Variants in RNF175 observed in about 807,000 individuals in gnomAD.
RNF175 encodes ring finger protein 175.
RNF175 carries 38 observed loss-of-function variants against 50.0 expected under a neutral mutation model. That is an observed-to-expected ratio of 0.76 (90% CI 0.59 to 1.00). The LOEUF (loss-of-function observed/expected upper bound fraction) is 1.00, where lower values mean the gene tolerates loss of function less well. Among genes scored for constraint, RNF175 ranks in the 50% least tolerant of loss-of-function variants. RNF175 has a pLI of 0.00. For missense variants in RNF175, 388 were observed against 409.6 expected, an observed-to-expected ratio of 0.95 and a Z score of 0.46; for synonymous variants, 155 against 146.1, an observed-to-expected ratio of 1.06 and a Z score of -0.44.
Position 153,743,236 on chromosome 4 carries a change from C to T in RNF175, c.246+5409G>A, listed in dbSNP as rs189640784. ...TGGTTGCAGACATCACCAAGAGTGGCTGAAATGGCTGTGCTCTGATGACCA... is the reference window on the plus strand; with the variant it reads ...TGGTTGCAGACATCACCAAGAGTGGTTGAAATGGCTGTGCTCTGATGACCA... On this transcript the variant is annotated intron_variant, in intron 3 of 8. Coordinates refer to ENST00000347063, the MANE Select transcript of RNF175 (RefSeq NM_173662.4). Among the ~76,000 whole-genome samples, 686 of 152,280 alleles carry T rather than the reference C, an allele frequency of 4.5e-3. 6 individuals are homozygous for T. The highest frequency in any genetic ancestry group is 6.5e-3 in the Non-Finnish European group (444 of 68,020).
intron 6 of RNF175, among the ~76,000 whole-genome samples, chr4:153,719,379 G>A (rs11936681): frequency 0.29 from 43,695 of 152,052 alleles, 6,887 homozygotes; most frequent in South Asian, 0.47. Context: ...CCATGTCTTT[G>A]CTTTACACTG....
intron 3 of RNF175, among the ~76,000 whole-genome samples, chr4:153,733,078 G>A (rs1739133916): frequency 6.6e-6 from 1 of 151,986 alleles, no homozygotes; most frequent in Non-Finnish European, 1.5e-5. Flanking sequence ...AAGCTGCTCT[G>A]ATGTACACAG....
intron 1 of RNF175, among the ~76,000 whole-genome samples, 197 bp downstream of exon 1, chr4:153,759,600 G>A (rs1476203175): frequency 2.0e-5 from 3 of 152,118 alleles, no homozygotes; most frequent in African/African-American, 7.2e-5. Context: ...GGGAGGGAGG[G>A]AGTGGAGGAG....
In RNF175 at chr4:153,734,675, T is replaced by C. The variant is rs1220355069; in HGVS notation, c.247-6314A>G. Among the ~76,000 whole-genome samples, 558 of 97,660 alleles carry C rather than the reference T, an allele frequency of 5.7e-3. 16 individuals carry two copies. Among genetic ancestry groups the C allele is most frequent in the Non-Finnish European group, 0.011 (462 of 41,878 alleles). 64.1% of individuals were successfully genotyped at this position (97,660 alleles called of 152,430 possible). ...GCTTGTTTTTTTATTCTTTTTTTTT[T>C]TTTTTTTTTTTTTTTTTTGAGATGT... On this transcript the variant is annotated intron_variant, in intron 3 of 8. Transcript: ENST00000347063.
At chr4:153,746,509 A>G (rs1228012849) in intron 3 of RNF175, among the ~76,000 whole-genome samples, 1 of 151,038 alleles carries the variant, frequency 6.6e-6, no homozygotes, top group Admixed American at 6.6e-5. Flanking sequence ...CTGCATGCCC[A>G]TAGCTCTCCT....
At chr4:153,722,776 AAAAC>A (rs200989556) in intron 5 of RNF175, among the ~76,000 whole-genome samples, 4 of 152,192 alleles carry the variant, frequency 2.6e-5, no homozygotes, top group African/African-American at 9.6e-5. Context: ...TCAAAAAAAA[AAAAC>A]ACAACAAAAA....
intron 2 of RNF175, among the ~76,000 whole-genome samples, chr4:153,749,026 A>G (rs1478308221): frequency 6.6e-6 from 1 of 152,152 alleles, no homozygotes; most frequent in African/African-American, 2.4e-5. Flanking sequence ...TGACTTTCTT[A>G]GCAAAACCAG....
chr4:153,715,621 G>A lies in RNF175; in HGVS notation c.672C>T (p.Asp224=), dbSNP rs770654239. Residue 224 remains aspartate (D), a synonymous_variant, in exon 7 of 9, where the codon GAC becomes GAT. Transcript: ENST00000347063. The part of the protein sequence containing the change: ...VSRLPTRSLS[D]NICAVCGQKI... ...TCTGCCCACAGACTGCACAGATATT[G>A]TCCGATAAGCTCCTTGTAGGCAACC... The A allele has an allele frequency of 3.3e-5, 54 of 1,613,740 alleles. No homozygotes were observed. The highest frequency in any genetic ancestry group is 4.3e-5 in the Non-Finnish European group (51 of 1,179,806).
At chr4:153,725,777 A>G (rs1738660670) in intron 4 of RNF175, among the ~76,000 whole-genome samples, 1 of 152,184 alleles carries the variant, frequency 6.6e-6, no homozygotes, top group Non-Finnish European at 1.5e-5. Flanking sequence ...GAGCTAATGT[A>G]TTGATGTTTA....
intron 1 of RNF175, among the ~76,000 whole-genome samples, chr4:153,751,874 G>A (rs1237607710): frequency 6.6e-6 from 1 of 152,228 alleles, no homozygotes; most frequent in Non-Finnish European, 1.5e-5. Flanking sequence ...AATGATTGCA[G>A]TGAGTAAATA....
chr4:153,759,831 G>A lies in RNF175; in HGVS notation c.32C>T (p.Ala11Val). 2 of 1,466,606 alleles carry A rather than the reference G, an allele frequency of 1.4e-6. No individual in the cohort carries two copies. Among genetic ancestry groups the A allele is most frequent in the Non-Finnish European group, 9.0e-7 (1 of 1,116,822 alleles). 90.8% of individuals were successfully genotyped at this position (1,466,606 alleles called of 1,614,324 possible). A position where few individuals can be genotyped will look rare whatever the true frequency, so the allele number is the denominator to read the frequency against. The change falls in exon 1 of 9, where the codon GCG (alanine) becomes GTG (valine). Residue 11 changes from alanine to valine, a missense_variant. Ala to Val is a moderately conservative substitution (Grantham distance 64). Transcript: ENST00000347063. ...CTGCGGGGGGGCCTCCAGCACCGGC[G>A]CTGCCTTCCGCGCCGCCGTCCCCGC... Reference protein sequence around the residue: MAAGTAARKAAPVLEAPPQQE... With the variant: MAAGTAARKAVPVLEAPPQQE...
intron 3 of RNF175, among the ~76,000 whole-genome samples, chr4:153,735,640 C>T (rs2606336): frequency 0.18 from 26,867 of 152,096 alleles, 3,094 homozygotes; most frequent in Non-Finnish European, 0.25. Context: ...CATATTGATA[C>T]TGAATCTTCC....
At chr4:153,756,967 G>C (rs1740597002) in intron 1 of RNF175, among the ~76,000 whole-genome samples, 1 of 152,112 alleles carries the variant, frequency 6.6e-6, no homozygotes, top group Non-Finnish European at 1.5e-5. Flanking sequence ...TCCCATTAAA[G>C]GTAGACTGAT....
chr4:153,715,455 CAGGAGG>C, intron 7 of RNF175, 68 bp downstream of exon 7: 4 of 1,403,382 alleles, frequency 2.9e-6, no homozygotes, highest in South Asian at 1.2e-5. Context: ...GAGATGGGGA[CAGGAGG>C]AGGAGGAGGA....
intron 3 of RNF175, among the ~76,000 whole-genome samples, chr4:153,740,005 A>G (rs1739562588): frequency 6.6e-6 from 1 of 152,024 alleles, no homozygotes; most frequent in African/African-American, 2.4e-5. Context: ...AATGTTCCAT[A>G]GTTTAGATAT....
chr4:153,717,554 C>CACACAT (rs1491359701), intron 6 of RNF175, among the ~76,000 whole-genome samples: 1 of 151,012 alleles, frequency 6.6e-6, no homozygotes, highest in Non-Finnish European at 1.5e-5. Context: ...CACACACACA[C>CACACAT]ATACATATCT....
At chr4:153,710,613 G>T (rs1737504527) in intron 8 of RNF175, 124 bp from the exon 9 acceptor site, 28 of 941,864 alleles carry the variant, frequency 3.0e-5, no homozygotes, top group Non-Finnish European at 4.4e-5. Flanking sequence ...AATTCTATGT[G>T]CTCAATTAAA....
intron 2 of RNF175, among the ~76,000 whole-genome samples, chr4:153,750,804 C>T (rs1005385396): frequency 3.3e-5 from 5 of 151,494 alleles, no homozygotes; most frequent in African/African-American, 9.7e-5. Flanking sequence ...TTTGAACTTA[C>T]GGCATATAGA....
intron 7 of RNF175, chr4:153,714,486 C>A (rs1180757107): frequency 6.6e-6 from 1 of 152,160 alleles, no homozygotes; most frequent in Non-Finnish European, 1.5e-5. Flanking sequence ...GTATGACTGA[C>A]TAAATTAAGT....
Sources: allele counts gnomAD v4.1 joint callset (sites outside exome capture counted in the v4.1 genomes callset), GRCh38; gene constraint gnomAD v4.1.1; transcripts MANE v1.5; gene names NCBI Gene and HGNC (gene_info 2026-07-23, HGNC 2026-07-21).